PTPRN2: variants seen among roughly 807,000 people sequenced by gnomAD.
PTPRN2 encodes protein tyrosine phosphatase receptor type N2, also known as receptor-type tyrosine-protein phosphatase N2.
In PTPRN2, 74 loss-of-function variants were observed where a neutral mutation model predicts 118.8. The observed-to-expected ratio is 0.62, with a 90% CI of 0.52 to 0.76. The LOEUF (loss-of-function observed/expected upper bound fraction) is 0.76, where lower values mean the gene tolerates loss of function less well. Ranked by LOEUF, PTPRN2 falls within the 30% of genes least tolerant of loss-of-function variation. The pLI is 0.00. For missense variants in PTPRN2, 1,481 were observed against 1,394.4 expected, an observed-to-expected ratio of 1.06 and a Z score of -0.99; for synonymous variants, 641 against 608.0, an observed-to-expected ratio of 1.05 and a Z score of -0.80.
chr7:157,716,247 C>CATA (rs1356028142), intron 12 of PTPRN2, among the ~76,000 whole-genome samples: 1 of 106,672 alleles, frequency 9.4e-6, no homozygotes, highest in Non-Finnish European at 2.3e-5. Flanking sequence ...GCCATGGCCA[C>CATA]GAAGACTCTG....
At chr7:158,242,587 G>C (rs1460843420) in intron 3 of PTPRN2, among the ~76,000 whole-genome samples, 1 of 152,182 alleles carries the variant, frequency 6.6e-6, no homozygotes, top group East Asian at 1.9e-4. Flanking sequence ...TCAGTGTTTT[G>C]GAAGAGTTTG....
chr7:158,559,334 T>A (rs532130819), intron 1 of PTPRN2, among the ~76,000 whole-genome samples: 18 of 152,364 alleles, frequency 1.2e-4, no homozygotes, highest in African/African-American at 4.3e-4. Flanking sequence ...ATTTTAACGA[T>A]CCATATGAGG....
At chr7:157,736,686 T>C (rs1800318022) in intron 12 of PTPRN2, among the ~76,000 whole-genome samples, 1 of 152,124 alleles carries the variant, frequency 6.6e-6, no homozygotes, top group South Asian at 2.1e-4. Context: ...GCAGACGGCT[T>C]GGGGAGCATG....
chr7:157,643,509 G>A (rs1804834598), intron 14 of PTPRN2, among the ~76,000 whole-genome samples: 1 of 152,218 alleles, frequency 6.6e-6, no homozygotes, highest in East Asian at 1.9e-4. Context: ...CGGAGGTGTG[G>A]GGGCTGCAGG....
At chr7:157,595,406 A>G in intron 16 of PTPRN2, 91 bp from the exon 17 acceptor site, 1 of 1,238,776 alleles carries the variant, frequency 8.1e-7, no homozygotes, top group Non-Finnish European at 1.2e-6. Flanking sequence ...CCAGAAGGTT[A>G]GGAAACCCGG....
chr7:158,352,899 C>A (rs924012521), intron 2 of PTPRN2, among the ~76,000 whole-genome samples: 9 of 152,264 alleles, frequency 5.9e-5, no homozygotes, highest in Non-Finnish European at 1.3e-4. Context: ...GTTTCTGGAA[C>A]ATGGCAGCTG....
chr7:157,657,796 C>CCA (rs532779602), intron 13 of PTPRN2, among the ~76,000 whole-genome samples: 235 of 19,764 alleles, frequency 0.012, 13 homozygotes, highest in Admixed American at 0.018. Flanking sequence ...CACACAAACG[C>CCA]CACACACACC....
chr7:157,578,257 C>A, intron 17 of PTPRN2, 117 bp from the exon 18 acceptor site: 1 of 1,263,608 alleles, frequency 7.9e-7, no homozygotes, highest in Non-Finnish European at 1.1e-6. Flanking sequence ...ACATTTATTT[C>A]ATTTTCATCA....
rs768243857 is a variant in PTPRN2, at chr7:157,990,802, C to T, written c.1723+90496G>A. Among the ~76,000 whole-genome samples the T allele has an allele frequency of 5.3e-5, 8 of 152,010 alleles. No individual in the cohort carries two copies. Among genetic ancestry groups the T allele is most frequent in the Non-Finnish European group, 1.2e-4 (8 of 68,002 alleles). On this transcript the variant is annotated intron_variant, in intron 11 of 22. Coordinates refer to ENST00000389418, the MANE Select transcript of PTPRN2 (RefSeq NM_002847.5). The surrounding 1 kb of genome is among the most constrained non-coding windows in gnomAD (Gnocchi z 4.3). ...CGATACAGTGGGAGGGAGGACTTGGCGCACAGTGGGTGAGTGAATGGACAG... is the reference window on the plus strand; with the variant it reads ...CGATACAGTGGGAGGGAGGACTTGGTGCACAGTGGGTGAGTGAATGGACAG...
chr7:158,331,519 A>C (rs1804441610), intron 2 of PTPRN2, among the ~76,000 whole-genome samples: 1 of 146,644 alleles, frequency 6.8e-6, no homozygotes, highest in African/African-American at 2.6e-5. Context: ...CACAGACATC[A>C]CTCACACCCA....
chr7:158,283,531 A>G (rs540000407), intron 3 of PTPRN2, among the ~76,000 whole-genome samples: 41 of 148,364 alleles, frequency 2.8e-4, no homozygotes, highest in African/African-American at 9.5e-4. Context: ...GCAGCTGCCC[A>G]TGGTGGAGGG....
rs1382013714 is a variant in PTPRN2, at chr7:158,333,750, T to A, written c.164-16818A>T. Among the ~76,000 whole-genome samples the A allele has an allele frequency of 5.7e-3, 836 of 145,522 alleles. 4 individuals are homozygous for A. Among genetic ancestry groups the A allele is most frequent in the African/African-American group, 0.021 (788 of 37,138 alleles). ...GTCACTCACACACATACTCTCACCATAAGAGCTGACACCCGCAGACATCAC... is the reference window on the plus strand; with the variant it reads ...GTCACTCACACACATACTCTCACCAAAAGAGCTGACACCCGCAGACATCAC... On this transcript the variant is annotated intron_variant, in intron 2 of 22. Transcript: ENST00000389418.
rs184314665 is a variant in PTPRN2, at chr7:158,396,131, G to C, written c.164-79199C>G. Among the ~76,000 whole-genome samples, 205 of 152,320 alleles carry C rather than the reference G, an allele frequency of 1.3e-3. 2 individuals carry two copies. In the East Asian group the frequency reaches 0.031, roughly 23 times the overall value. On this transcript the variant is annotated intron_variant, in intron 2 of 22. Transcript: ENST00000389418. ...GGCAGCGAAGGCCGGGACACGCACAGGGCAGCGGGCAGCCAGTGCCACGTG... is the reference window on the plus strand; with the variant it reads ...GGCAGCGAAGGCCGGGACACGCACACGGCAGCGGGCAGCCAGTGCCACGTG...
intron 15 of PTPRN2, among the ~76,000 whole-genome samples, chr7:157,620,754 G>C (rs573172195): frequency 6.6e-6 from 1 of 152,312 alleles, no homozygotes; most frequent in East Asian, 1.9e-4. Flanking sequence ...CATCGCAGAG[G>C]GGAGATTCCC....
chr7:158,586,766 G>A (rs976211675), intron 1 of PTPRN2, among the ~76,000 whole-genome samples: 1 of 152,200 alleles, frequency 6.6e-6, no homozygotes, highest in African/African-American at 2.4e-5. Context: ...GGGGGGGTGC[G>A]GGGGACGCAG....
chr7:157,910,097 A>G (rs1194406988), intron 11 of PTPRN2, among the ~76,000 whole-genome samples: 2 of 152,244 alleles, frequency 1.3e-5, no homozygotes, highest in Non-Finnish European at 2.9e-5. Flanking sequence ...CGATAAAAGG[A>G]TATCTGAGGA....
chr7:157,602,580 A>G (rs116064726), intron 16 of PTPRN2, among the ~76,000 whole-genome samples: 3,868 of 150,934 alleles, frequency 0.026, 167 homozygotes, highest in African/African-American at 0.09. Context: ...AGCACCCTCC[A>G]CCATCAGTGA....
At chr7:157,720,657 G>T (rs571654079) in intron 12 of PTPRN2, among the ~76,000 whole-genome samples, 8 of 152,362 alleles carry the variant, frequency 5.3e-5, no homozygotes, top group African/African-American at 1.9e-4. Flanking sequence ...CCAGGAGCAG[G>T]TGCCCTCGTC....
intron 2 of PTPRN2, among the ~76,000 whole-genome samples, chr7:158,340,574 A>G (rs1257031566): frequency 1.7e-5 from 2 of 119,792 alleles, no homozygotes; most frequent in Admixed American, 8.5e-5. Context: ...CAATCTCACC[A>G]TAAGAGCCGA....
Sources: gnomAD v4.1 joint callset for allele counts (sites outside exome capture counted in the v4.1 genomes callset) on GRCh38, gnomAD v4.1.1 for gene constraint, Gnocchi (gnomAD v3.1) non-coding constraint, MANE v1.5 for transcripts, NCBI Gene and HGNC (gene_info 2026-07-23, HGNC 2026-07-21) for gene names.